FGD4: variants seen among roughly 807,000 people sequenced by gnomAD.
FGD4 encodes FYVE, RhoGEF and PH domain containing 4, also known as FYVE, RhoGEF and PH domain-containing protein 4.
A neutral mutation model predicts 102.0 loss-of-function variants in FGD4; 42 were observed. That is an observed-to-expected ratio of 0.41 (90% CI 0.32 to 0.53). The LOEUF (loss-of-function observed/expected upper bound fraction) is 0.53. Among genes scored for constraint, FGD4 ranks in the 20% least tolerant of loss-of-function variants. The pLI, the probability that FGD4 is intolerant of heterozygous loss-of-function variation, is 0.21. For missense variants in FGD4, 902 were observed against 1,078.2 expected (o/e 0.84, Z 2.29); for synonymous variants, 380 against 375.7 (o/e 1.01, Z -0.13).
At chr12:32,468,342 G>T (rs1224291540) in intron 1 of FGD4, among the ~76,000 whole-genome samples, 1 of 151,446 alleles carries the variant, frequency 6.6e-6, no homozygotes, top group Non-Finnish European at 1.5e-5. Context: ...TTCTTTCTCA[G>T]TGATCTCTTA....
intron 1 of FGD4, among the ~76,000 whole-genome samples, chr12:32,470,270 A>G (rs1029868549): frequency 3.9e-5 from 6 of 152,034 alleles, no homozygotes; most frequent in African/African-American, 1.5e-4. Flanking sequence ...GGGTGATTGG[A>G]TCAGACATGT....
chr12:32,493,102 C>T (rs1373683989), intron 1 of FGD4, among the ~76,000 whole-genome samples: 1 of 152,260 alleles, frequency 6.6e-6, no homozygotes, highest in Middle Eastern at 3.4e-3. Flanking sequence ...ATTTAGGTCA[C>T]GAGATGTCTG....
At chr12:32,524,262 G>A (rs891085638) in intron 1 of FGD4, among the ~76,000 whole-genome samples, 5 of 151,484 alleles carry the variant, frequency 3.3e-5, no homozygotes, top group Non-Finnish European at 5.9e-5. Flanking sequence ...CGGGCGTGGT[G>A]GCGTCAGTCC....
chr12:32,637,201 A>G (rs1375379596), intron 15 of FGD4, among the ~76,000 whole-genome samples: 1 of 151,072 alleles, frequency 6.6e-6, no homozygotes, highest in Non-Finnish European at 1.5e-5. Flanking sequence ...TTAGCCAACA[A>G]TTTTTATATT....
intron 1 of FGD4, among the ~76,000 whole-genome samples, chr12:32,527,120 A>G (rs748740165): frequency 5.3e-5 from 8 of 152,246 alleles, no homozygotes; most frequent in Non-Finnish European, 1.0e-4. Flanking sequence ...TGTGAAGTCC[A>G]TATCTGGTAG....
intron 1 of FGD4, among the ~76,000 whole-genome samples, chr12:32,517,835 G>A (rs1565793744): frequency 6.6e-6 from 1 of 152,046 alleles, no homozygotes; most frequent in Non-Finnish European, 1.5e-5. Context: ...GCAGTGAGCC[G>A]AGACCATGCT....
In FGD4 at chr12:32,563,753, C is replaced by T. The variant is rs1465539110; in HGVS notation, c.167-384C>T. On this transcript the variant is annotated intron_variant, in intron 1 of 16. Transcript: ENST00000534526. Reference sequence around the variant, plus strand: ...CCAGACTCCATCTGCAATCCCGGCACCTCGGGAGGCCGAGGCTGGCGGATC... The same window carrying T: ...CCAGACTCCATCTGCAATCCCGGCATCTCGGGAGGCCGAGGCTGGCGGATC... 2.6e-5 allele frequency among the ~76,000 whole-genome samples: 4 copies of T among 152,208 alleles called. No individual in the cohort carries two copies. The East Asian group carries it at 7.7e-4, about 29-fold the overall frequency.
chr12:32,624,583 A>G (rs574419687), intron 12 of FGD4, 131 bp downstream of exon 12: 10 of 784,812 alleles, frequency 1.3e-5, no homozygotes, highest in African/African-American at 1.0e-4. Context: ...CAAGCCTTGC[A>G]TCTCAGCCTC....
intron 5 of FGD4, chr12:32,600,524 G>A (rs1343669318): frequency 1.2e-5 from 13 of 1,103,116 alleles, no homozygotes; most frequent in Non-Finnish European, 1.5e-5. Flanking sequence ...AGTAGCCCTA[G>A]TGAAGTATAG....
chr12:32,637,109 A>C (rs1435603251), intron 15 of FGD4, among the ~76,000 whole-genome samples: 1 of 145,604 alleles, frequency 6.9e-6, no homozygotes, highest in Non-Finnish European at 1.5e-5. Context: ...GGCTTGTCTC[A>C]AACTCCTGGC....
chr12:32,540,691 G>A (rs767572997), intron 1 of FGD4, among the ~76,000 whole-genome samples: 97 of 151,754 alleles, frequency 6.4e-4, no homozygotes, highest in Middle Eastern at 3.4e-3. Flanking sequence ...TCAGCCTCCC[G>A]AGTAGCTGGG....
Position 32,640,627 on chromosome 12 carries a change from G to T in FGD4, c.*94G>T. 6.4e-7 allele frequency: 1 copy of T among 1,553,386 alleles called. No homozygotes were observed. Among genetic ancestry groups the T allele is most frequent in the African/African-American group, 1.4e-5 (1 of 73,632 alleles). On this transcript the variant is annotated 3_prime_UTR_variant, in exon 17 of 17. Transcript: ENST00000534526. ...TACACATCTGCTAGCACTTTATGTT[G>T]AAAAATATAGGCCCATAAATGCATC...
chr12:32,432,957 T>C (rs776933476), intron 1 of FGD4, among the ~76,000 whole-genome samples: 3 of 152,152 alleles, frequency 2.0e-5, no homozygotes, highest in Non-Finnish European at 4.4e-5. Context: ...GCCCCTTTAA[T>C]ATTTTCTTTG....
intron 1 of FGD4, among the ~76,000 whole-genome samples, chr12:32,449,257 G>T (rs1412982685): frequency 6.6e-6 from 1 of 152,104 alleles, no homozygotes; most frequent in African/African-American, 2.4e-5. Flanking sequence ...ATCAAAACCA[G>T]GAAGTTAACA....
chr12:32,454,298 C>T (rs899761823), intron 1 of FGD4, among the ~76,000 whole-genome samples: 2 of 152,142 alleles, frequency 1.3e-5, no homozygotes, highest in Non-Finnish European at 2.9e-5. Flanking sequence ...TTTCTAGTAC[C>T]TTCATTAAGG....
At position 32,530,941 on chromosome 12, in the gene FGD4, G is replaced by GTTTTTTTTTTTTT. The variant is rs768536136; in HGVS notation, c.167-33179_167-33167dup. ...TATGACAATCAGTTTCCTAGCTTTG[G>GTTTTTTTTTTTTT]TTTTTTTTTTTTTTTTTTTTTTTTT... On this transcript the variant is annotated intron_variant, in intron 1 of 16. Transcript: ENST00000534526. 1.4e-3 allele frequency among the ~76,000 whole-genome samples: 99 copies of GTTTTTTTTTTTTT among 70,478 alleles called. 21 individuals carry two copies. The highest frequency in any genetic ancestry group is 5.9e-3 in the African/African-American group (86 of 14,492). The allele number at this position is 70,478 out of a possible 152,430, so 46.2% of individuals were successfully genotyped here. A position where few individuals can be genotyped will look rare whatever the true frequency, so the allele number is the denominator to read the frequency against.
intron 1 of FGD4, among the ~76,000 whole-genome samples, chr12:32,555,397 T>C (rs549722590): frequency 2.7e-4 from 41 of 152,032 alleles, no homozygotes; most frequent in Non-Finnish European, 4.7e-4. Context: ...CTGGGGAAGA[T>C]GCTGGTAGGC....
chr12:32,455,413 T>G (rs1375372535), intron 1 of FGD4, among the ~76,000 whole-genome samples: 1 of 152,182 alleles, frequency 6.6e-6, no homozygotes, highest in Non-Finnish European at 1.5e-5. Context: ...ATAATTGTAT[T>G]TAAACATATA....
chr12:32,407,711 C>T (rs1457048876), intron 1 of FGD4, among the ~76,000 whole-genome samples: 1 of 152,116 alleles, frequency 6.6e-6, no homozygotes, highest in African/African-American at 2.4e-5. Context: ...CAACTCCACC[C>T]TCTCCCTCTT....
Sources: allele counts gnomAD v4.1 joint callset (sites outside exome capture counted in the v4.1 genomes callset), GRCh38; gene constraint gnomAD v4.1.1; transcripts MANE v1.5; gene names NCBI Gene and HGNC (gene_info 2026-07-23, HGNC 2026-07-21).